TMEM108: variants seen among roughly 807,000 people sequenced by gnomAD.
The protein encoded by TMEM108 is cancer/testis antigen 124.
TMEM108 carries 12 observed loss-of-function variants against 35.1 expected under a neutral mutation model. The observed-to-expected ratio is 0.34, with a 90% CI of 0.22 to 0.55. The LOEUF is 0.55. Among genes scored for constraint, TMEM108 ranks in the 20% least tolerant of loss-of-function variants. The pLI, the probability that TMEM108 is intolerant of heterozygous loss-of-function variation, is 0.89. For synonymous variants in TMEM108, 287 were observed against 308.6 expected (o/e 0.93, Z 0.73); for missense variants, 680 against 753.3 (o/e 0.90, Z 1.14).
At chr3:133,195,623 A>G (rs899118718) in intron 2 of TMEM108, among the ~76,000 whole-genome samples, 5 of 152,102 alleles carry the variant, frequency 3.3e-5, no homozygotes, top group Non-Finnish European at 5.9e-5. Context: ...AGTCCGCGGG[A>G]TATATTGTAC....
At chr3:133,164,521 G>A (rs1945008525) in intron 2 of TMEM108, among the ~76,000 whole-genome samples, 1 of 152,206 alleles carries the variant, frequency 6.6e-6, no homozygotes, top group South Asian at 2.1e-4. Flanking sequence ...TGAACTTGTA[G>A]TGAGAATCTT....
chr3:133,300,169 G>T (rs1404101673), intron 3 of TMEM108, among the ~76,000 whole-genome samples: 2 of 152,148 alleles, frequency 1.3e-5, no homozygotes, highest in Non-Finnish European at 2.9e-5. Flanking sequence ...AGAATACCCT[G>T]TGGCTGGTAT....
chr3:133,148,004 A>G (rs1944746064), intron 2 of TMEM108, among the ~76,000 whole-genome samples: 1 of 152,224 alleles, frequency 6.6e-6, no homozygotes, highest in Admixed American at 6.5e-5. Flanking sequence ...AAATATCAGT[A>G]TGAACTCCTG....
At chr3:133,073,510 C>CTCTCTCTCTCTCTCTCTCTATATATATA in intron 2 of TMEM108, among the ~76,000 whole-genome samples, 2 of 43,906 alleles carry the variant, frequency 4.6e-5, no homozygotes, top group African/African-American at 2.4e-4. Context: ...CTCTCTCTCT[C>CTCTCTCTCTCTCTCTCTCTATATATATA]TATATATATA....
intron 2 of TMEM108, among the ~76,000 whole-genome samples, chr3:133,223,792 GAAAA>G (rs2107856025): frequency 6.6e-6 from 1 of 152,174 alleles, no homozygotes; most frequent in Admixed American, 6.5e-5. Context: ...CTATCACTGT[GAAAA>G]AATAAATATA....
At chr3:133,137,930 A>C (rs1276411661) in intron 2 of TMEM108, among the ~76,000 whole-genome samples, 1 of 152,220 alleles carries the variant, frequency 6.6e-6, no homozygotes, top group East Asian at 1.9e-4. Context: ...CTCCAAGAGA[A>C]CTTAAAATCA....
In TMEM108 at chr3:133,090,806, C is replaced by G. The variant is rs552934160; in HGVS notation, c.-47+44786C>G. 6.6e-5 allele frequency among the ~76,000 whole-genome samples: 10 copies of G among 152,168 alleles called. No individual in the cohort carries two copies. The East Asian group carries it at 1.7e-3, about 26-fold the overall frequency. On this transcript the variant is annotated intron_variant, in intron 2 of 5. Transcript: ENST00000321871. ...TTTAAGGACATATATCTTACATTTT[C>G]ACACATCTTATAATTTACTATGTCA...
chr3:133,124,741 A>G (rs780749124), intron 2 of TMEM108: 9 of 152,456 alleles, frequency 5.9e-5, no homozygotes, highest in Non-Finnish European at 1.0e-4. Flanking sequence ...GCAAATAGGG[A>G]ACTTTCAGAG....
chr3:133,283,194 C>T (rs1057074807), intron 3 of TMEM108, among the ~76,000 whole-genome samples: 5 of 152,068 alleles, frequency 3.3e-5, no homozygotes, highest in South Asian at 2.1e-4. Flanking sequence ...AGTGAGGTGG[C>T]GGTGGTTTAT....
At chr3:133,123,747 C>T (rs1944381781) in intron 2 of TMEM108, among the ~76,000 whole-genome samples, 2 of 152,206 alleles carry the variant, frequency 1.3e-5, no homozygotes, top group Non-Finnish European at 2.9e-5. Flanking sequence ...GTCTTTTGCA[C>T]CCTACCAGCA....
intron 3 of TMEM108, among the ~76,000 whole-genome samples, chr3:133,231,346 A>T (rs765681569): frequency 6.6e-6 from 1 of 152,150 alleles, no homozygotes; most frequent in African/African-American, 2.4e-5. Flanking sequence ...ACAGTTATTT[A>T]TTTCGTTCAT....
chr3:133,277,127 G>GA (rs113353561), intron 3 of TMEM108, among the ~76,000 whole-genome samples: 2,306 of 144,060 alleles, frequency 0.016, 67 homozygotes, highest in African/African-American at 0.055. Flanking sequence ...CTCTGGACCA[G>GA]AAAAAAAAAA....
intron 2 of TMEM108, among the ~76,000 whole-genome samples, chr3:133,139,042 T>C (rs1240868695): frequency 1.3e-5 from 2 of 152,142 alleles, no homozygotes; most frequent in African/African-American, 4.8e-5. Flanking sequence ...CTGTGTTAGT[T>C]TGCTGAGAAT....
intron 2 of TMEM108, among the ~76,000 whole-genome samples, chr3:133,188,843 C>T (rs760911605): frequency 5.9e-4 from 89 of 152,048 alleles, no homozygotes; most frequent in Non-Finnish European, 9.8e-4. Context: ...GTTCATGTTC[C>T]GTATAGTCAT....
chr3:133,196,872 T>C (rs972398985), intron 2 of TMEM108, among the ~76,000 whole-genome samples: 1 of 152,198 alleles, frequency 6.6e-6, no homozygotes, highest in African/African-American at 2.4e-5. Context: ...AAAACTTACC[T>C]GGAAATCCCG....
Position 133,381,125 on chromosome 3 carries a change from G to A in TMEM108, c.1414G>A (p.Val472Met). 6.2e-7 allele frequency: 1 copy of A among 1,609,988 alleles called. No individual in the cohort carries two copies. Among genetic ancestry groups the A allele is most frequent in the Non-Finnish European group, 8.5e-7 (1 of 1,176,830 alleles). ...ICLSKMDIAW[V>M]ILAISVPISS... is the part of the protein sequence containing the mutation. ...CCTGAGCAAGATGGATATCGCCTGG[G>A]TGATCCTGGCCATCAGCGTGCCCAT... is the stretch of plus-strand genomic sequence containing the variant. Residue 472 changes from valine to methionine, a missense_variant, in exon 4 of 6, where the codon GTG (valine) becomes ATG (methionine). Physicochemically the swap from Val to Met is conservative, Grantham distance 21. This residue lies in a region of TMEM108 where 105 missense variants were observed against 150.7 expected (regional missense o/e 0.70). Transcript: ENST00000321871.
intron 3 of TMEM108, among the ~76,000 whole-genome samples, chr3:133,269,592 C>A (rs1022618481): frequency 6.6e-6 from 1 of 152,180 alleles, no homozygotes; most frequent in African/African-American, 2.4e-5. Context: ...TTTTCCTTGG[C>A]CCTTCTGTCT....
At chr3:133,222,960 A>G (rs1180756274) in intron 2 of TMEM108, among the ~76,000 whole-genome samples, 1 of 152,096 alleles carries the variant, frequency 6.6e-6, no homozygotes, top group Non-Finnish European at 1.5e-5. Flanking sequence ...AGCTGGGACC[A>G]TAGGCACACA....
In TMEM108 at chr3:133,344,818, C is replaced by T. The variant is rs1038234494; in HGVS notation, c.41-34934C>T. Among the ~76,000 whole-genome samples, 8 of 151,794 alleles carry T rather than the reference C, an allele frequency of 5.3e-5. 1 individual carries two copies. Among genetic ancestry groups the T allele is most frequent in the East Asian group, 3.9e-4 (2 of 5,160 alleles). ...ACACTTTGTACTATACTTTGTATTA[C>T]ATATTTAGTGTAAAATTTTCAACAA... On this transcript the variant is annotated intron_variant, in intron 3 of 5. Coordinates refer to ENST00000321871, the MANE Select transcript of TMEM108 (RefSeq NM_023943.4).
Sources: gnomAD v4.1 joint callset for allele counts (sites outside exome capture counted in the v4.1 genomes callset) on GRCh38, gnomAD v4.1.1 for gene constraint, gnomAD v4.1.1 regional missense constraint, MANE v1.5 for transcripts, NCBI Gene and HGNC (gene_info 2026-07-23, HGNC 2026-07-21) for gene names.